The following KCNN2 variants were observed in gnomAD, a reference collection of about 807,000 sequenced individuals.
The protein encoded by KCNN2 is potassium calcium-activated channel subfamily N member 2.
KCNN2 carries 24 observed loss-of-function variants against 55.5 expected under a neutral mutation model. The ratio of observed to expected loss-of-function variants is 0.43; its 90% CI spans 0.31 to 0.61. The LOEUF (loss-of-function observed/expected upper bound fraction) is 0.61, where lower values mean the gene tolerates loss of function less well. Among genes scored for constraint, KCNN2 ranks in the 20% least tolerant of loss-of-function variants. The pLI is 0.08. For synonymous variants in KCNN2, 431 were observed against 336.1 expected (o/e 1.28, Z -3.09); for missense variants, 754 against 853.6 (o/e 0.88, Z 1.45).
intron 1 of KCNN2, among the ~76,000 whole-genome samples, chr5:114,136,597 A>T (rs1378503580): frequency 6.6e-6 from 1 of 152,210 alleles, no homozygotes; most frequent in African/African-American, 2.4e-5. Flanking sequence ...ATTTTTCTTC[A>T]TAAGCCTTTT....
At chr5:114,183,251 A>C (rs921983122) in intron 1 of KCNN2, among the ~76,000 whole-genome samples, 1 of 152,044 alleles carries the variant, frequency 6.6e-6, no homozygotes, top group Non-Finnish European at 1.5e-5. Context: ...TATCATTTTT[A>C]TGTATGCTAA....
At chr5:114,121,682 C>A (rs1419631077) in intron 1 of KCNN2, among the ~76,000 whole-genome samples, 2 of 152,212 alleles carry the variant, frequency 1.3e-5, no homozygotes, top group Non-Finnish European at 2.9e-5. Context: ...CATTTTTAGA[C>A]TGTGGCTCTG....
At chr5:114,066,347 A>G (rs952753979) in intron 1 of KCNN2, among the ~76,000 whole-genome samples, 1 of 152,184 alleles carries the variant, frequency 6.6e-6, no homozygotes, top group African/African-American at 2.4e-5. Context: ...ACCTCTTGGC[A>G]TAGTTTTACT....
intron 1 of KCNN2, among the ~76,000 whole-genome samples, chr5:114,216,995 A>T (rs545459617): frequency 1.3e-5 from 2 of 152,190 alleles, no homozygotes; most frequent in South Asian, 4.1e-4. Flanking sequence ...GAAATTTAAA[A>T]TGCAGTACCA....
At chr5:114,398,403 G>A (rs1220811148) in intron 2 of KCNN2, among the ~76,000 whole-genome samples, 1 of 151,110 alleles carries the variant, frequency 6.6e-6, no homozygotes, top group Non-Finnish European at 1.5e-5. Flanking sequence ...GTCTGTTTTT[G>A]TACCAGTGCC....
intron 1 of KCNN2, among the ~76,000 whole-genome samples, chr5:114,150,952 C>G (rs1318318452): frequency 6.6e-6 from 1 of 152,092 alleles, no homozygotes; most frequent in Non-Finnish European, 1.5e-5. Flanking sequence ...ACCCGGGAGG[C>G]AGAGGTTGCG....
At chr5:114,148,798 G>A (rs973935278) in intron 1 of KCNN2, among the ~76,000 whole-genome samples, 4 of 152,106 alleles carry the variant, frequency 2.6e-5, no homozygotes, top group African/African-American at 9.7e-5. Flanking sequence ...GAGAAAACAA[G>A]GAGAGATCAA....
intron 2 of KCNN2, among the ~76,000 whole-genome samples, chr5:114,402,393 G>A (rs1170721802): frequency 6.6e-6 from 1 of 152,196 alleles, no homozygotes; most frequent in Middle Eastern, 3.2e-3. Context: ...TAGGCATGGA[G>A]CCAGCCCTGG....
intron 1 of KCNN2, among the ~76,000 whole-genome samples, chr5:114,183,397 T>C (rs1753274387): frequency 1.3e-5 from 2 of 152,114 alleles, no homozygotes; most frequent in South Asian, 4.1e-4. Context: ...CCCACTTTCC[T>C]GTTTTATGAG....
intron 2 of KCNN2, among the ~76,000 whole-genome samples, chr5:114,355,271 C>T (rs1757276537): frequency 6.6e-6 from 1 of 152,104 alleles, no homozygotes; most frequent in African/African-American, 2.4e-5. Flanking sequence ...TCATGAATAA[C>T]ACACGGAAAG....
At chr5:114,475,593 A>G (rs545826900) in intron 5 of KCNN2, among the ~76,000 whole-genome samples, 8 of 152,314 alleles carry the variant, frequency 5.3e-5, no homozygotes, top group African/African-American at 1.9e-4. Context: ...ACTGTTAAGG[A>G]TCAAGAGCTA....
chr5:114,149,229 A>C (rs1422363439), intron 1 of KCNN2, among the ~76,000 whole-genome samples: 1 of 152,104 alleles, frequency 6.6e-6, no homozygotes, highest in African/African-American at 2.4e-5. Flanking sequence ...CAAACCTGAA[A>C]AGAGGGGAGA....
At chr5:114,335,706 G>A (rs1158346391) in intron 2 of KCNN2, among the ~76,000 whole-genome samples, 1 of 152,126 alleles carries the variant, frequency 6.6e-6, no homozygotes, top group African/African-American at 2.4e-5. Context: ...GTGTAAATAA[G>A]CAGAACAAAC....
At chr5:114,145,841 C>A (rs889034574) in intron 1 of KCNN2, among the ~76,000 whole-genome samples, 1 of 152,270 alleles carries the variant, frequency 6.6e-6, no homozygotes, top group Admixed American at 6.5e-5. Context: ...TGAGCCGGAC[C>A]TGGACCGCTG....
At chr5:114,416,498 T>TGACTGTTCTTTATACTGTGC (rs1436318953) in intron 3 of KCNN2, among the ~76,000 whole-genome samples, 1 of 152,186 alleles carries the variant, frequency 6.6e-6, no homozygotes, top group East Asian at 1.9e-4. Flanking sequence ...GATCACTGTG[T>TGACTGTTCTTTATACTGTGC]GACTGTTCTT....
chr5:114,143,570 C>A (rs546695030), intron 1 of KCNN2, among the ~76,000 whole-genome samples: 1 of 152,260 alleles, frequency 6.6e-6, no homozygotes, highest in Admixed American at 6.5e-5. Context: ...AGGCTCTCCA[C>A]AAGGGTCGCA....
At chr5:114,198,381 CAT>C (rs1753601820) in intron 1 of KCNN2, among the ~76,000 whole-genome samples, 2 of 146,504 alleles carry the variant, frequency 1.4e-5, no homozygotes, top group Admixed American at 6.9e-5. Flanking sequence ...TACATATATA[CAT>C]ATATATGTGT....
chr5:114,271,160 G>C (rs1346189553), intron 2 of KCNN2, among the ~76,000 whole-genome samples: 1 of 152,070 alleles, frequency 6.6e-6, no homozygotes, highest in African/African-American at 2.4e-5. Context: ...AGTGCTGATT[G>C]GTCTGCTTTT....
chr5:114,132,624 C>A (rs986818568), intron 1 of KCNN2, among the ~76,000 whole-genome samples: 1 of 152,076 alleles, frequency 6.6e-6, no homozygotes, highest in African/African-American at 2.4e-5. Context: ...GAAGCATAGA[C>A]TCTAATGGTT....
Sources: allele counts gnomAD v4.1 joint callset (sites outside exome capture counted in the v4.1 genomes callset), GRCh38; gene constraint gnomAD v4.1.1; transcripts MANE v1.5; gene names NCBI Gene and HGNC (gene_info 2026-07-23, HGNC 2026-07-21).